Variants in CPEB4 observed in about 807,000 individuals in gnomAD.
CPEB4 encodes cytoplasmic polyadenylation element-binding protein 4.
A neutral mutation model predicts 72.5 loss-of-function variants in CPEB4; 12 were observed. That is an observed-to-expected ratio of 0.17 (90% CI 0.11 to 0.27). The LOEUF is 0.27. Ranked by LOEUF, CPEB4 falls within the 10% of genes least tolerant of loss-of-function variation. The pLI, the probability that CPEB4 is intolerant of heterozygous loss-of-function variation, is 1.00. For missense variants in CPEB4, 614 were observed against 908.5 expected (o/e 0.68, Z 4.17); for synonymous variants, 302 against 326.3 (o/e 0.93, Z 0.80).
intron 4 of CPEB4, among the ~76,000 whole-genome samples, chr5:173,943,627 T>C (rs1757922062): frequency 6.6e-6 from 1 of 152,210 alleles, no homozygotes; most frequent in Non-Finnish European, 1.5e-5. Context: ...TCTTGGCACC[T>C]ATATTTTGCC....
At position 173,944,452 on chromosome 5, in the gene CPEB4, G is replaced by A. The variant is rs1326343292; in HGVS notation, c.1283-515G>A. ...ATTATGCCACTGTACTCCAGCCTGG[G>A]TAAAAGAGCGAGACACTGTCTCAAA... On this transcript the variant is annotated intron_variant, in intron 4 of 9. Coordinates refer to ENST00000265085, the MANE Select transcript of CPEB4 (RefSeq NM_030627.4). 2.1e-5 allele frequency among the ~76,000 whole-genome samples: 3 copies of A among 145,162 alleles called. No individual in the cohort carries two copies. The East Asian group carries it at 6.0e-4, about 29-fold the overall frequency.
chr5:173,898,387 C>T (rs1756101439), intron 1 of CPEB4, among the ~76,000 whole-genome samples: 1 of 152,052 alleles, frequency 6.6e-6, no homozygotes, highest in Non-Finnish European at 1.5e-5. Context: ...TATTAGAAAA[C>T]TATCTCAGTT....
At position 173,932,510 on chromosome 5, in the gene CPEB4, A is replaced by G; in HGVS notation, c.1258+10A>G. 1 of 1,604,504 alleles carries G rather than the reference A, an allele frequency of 6.2e-7. No individual in the cohort carries two copies. The highest frequency in any genetic ancestry group is 8.5e-7 in the Non-Finnish European group (1 of 1,172,166). ...TCTCTGCTTATTAATGGTAAGTGAT[A>G]ATTGATTTACCCTAGTGAAGTGCAC... On this transcript the variant is annotated intron_variant, in intron 3 of 9. Coordinates refer to ENST00000265085, the MANE Select transcript of CPEB4 (RefSeq NM_030627.4).
chr5:173,929,708 A>C (rs1408007398), intron 2 of CPEB4, among the ~76,000 whole-genome samples: 1 of 152,114 alleles, frequency 6.6e-6, no homozygotes, highest in Non-Finnish European at 1.5e-5. Flanking sequence ...AAAAATTAAA[A>C]TAATAATAAT....
At chr5:173,923,171 T>C (rs1757130190) in intron 2 of CPEB4, among the ~76,000 whole-genome samples, 2 of 152,218 alleles carry the variant, frequency 1.3e-5, no homozygotes, top group African/African-American at 4.8e-5. Flanking sequence ...GAGTTAATGA[T>C]AGATAGGTCT....
At chr5:173,892,997 C>CTGTGTGTGTGTGTGTGTG (rs200506890) in intron 1 of CPEB4, 1 of 139,760 alleles carries the variant, frequency 7.2e-6, no homozygotes, top group Non-Finnish European at 1.5e-5. Flanking sequence ...ATTTGTAGCT[C>CTGTGTGTGTGTGTGTGTG]TGTGTGTGTG....
intron 3 of CPEB4, among the ~76,000 whole-genome samples, chr5:173,935,956 A>G (rs1302490283): frequency 6.6e-6 from 1 of 152,210 alleles, no homozygotes; most frequent in Admixed American, 6.5e-5. Context: ...CACTCATGTT[A>G]AAAGGCAGTG....
chr5:173,914,720 C>T (rs1430494359), intron 2 of CPEB4, among the ~76,000 whole-genome samples: 2 of 152,156 alleles, frequency 1.3e-5, no homozygotes, highest in Non-Finnish European at 2.9e-5. Flanking sequence ...CGGGCCACTG[C>T]ACTCCAGCCT....
At chr5:173,934,153 C>T (rs762537865) in intron 3 of CPEB4, among the ~76,000 whole-genome samples, 1 of 152,042 alleles carries the variant, frequency 6.6e-6, no homozygotes, top group Non-Finnish European at 1.5e-5. Flanking sequence ...CCACTGTACT[C>T]CAGCCACAGT....
Position 173,898,162 on chromosome 5 carries a change from T to G in CPEB4, c.1125+7304T>G, listed in dbSNP as rs1581109087. Among the ~76,000 whole-genome samples the G allele has an allele frequency of 4.6e-5, 7 of 152,296 alleles. No individual in the cohort carries two copies. In the East Asian group the frequency reaches 1.3e-3, roughly 29 times the overall value. Reference sequence around the variant, plus strand: ...CCAAAACTAAGTTATAATTAGTTCCTCAGTATTATATATTTTAAATCTATA... The same window carrying G: ...CCAAAACTAAGTTATAATTAGTTCCGCAGTATTATATATTTTAAATCTATA... On this transcript the variant is annotated intron_variant, in intron 1 of 9. Transcript: ENST00000265085.
At chr5:173,905,019 A>AAT (rs1561608981) in intron 1 of CPEB4, among the ~76,000 whole-genome samples, 2,726 of 40,726 alleles carry the variant, frequency 0.067, 38 homozygotes, top group Non-Finnish European at 0.11. Context: ...ATAATAATAA[A>AAT]AAAATGTAAC....
intron 2 of CPEB4, among the ~76,000 whole-genome samples, chr5:173,913,202 T>C (rs1045116797): frequency 6.6e-6 from 1 of 151,204 alleles, no homozygotes; most frequent in African/African-American, 2.4e-5. Context: ...ATTATTCTTT[T>C]TTTTTTTTTT....
At chr5:173,919,648 T>C (rs359419) in intron 2 of CPEB4, among the ~76,000 whole-genome samples, 143,526 of 152,284 alleles carry the variant, frequency 0.94, 67,698 homozygotes, top group East Asian at 1. Flanking sequence ...TTCCTTGATC[T>C]TGTTATATAA....
At chr5:173,938,494 G>A (rs1757709999) in intron 3 of CPEB4, among the ~76,000 whole-genome samples, 1 of 151,602 alleles carries the variant, frequency 6.6e-6, no homozygotes, top group Non-Finnish European at 1.5e-5. Flanking sequence ...CCAAAGTGCT[G>A]GGGTTATAGG....
chr5:173,950,122 A>G lies in CPEB4; in HGVS notation c.1665+44A>G. Reference sequence around the variant, plus strand: ...AAAATAGCTTCTTGTTTTTGCCTCCATTCATCTGTTATATTTGAAAAACCC... The same window carrying G: ...AAAATAGCTTCTTGTTTTTGCCTCCGTTCATCTGTTATATTTGAAAAACCC... On this transcript the variant is annotated intron_variant, in intron 7 of 9. Coordinates refer to ENST00000265085, the MANE Select transcript of CPEB4 (RefSeq NM_030627.4). The surrounding 1 kb of genome is among the most constrained non-coding windows in gnomAD (Gnocchi z 5.0). 1 of 1,184,226 alleles carries G rather than the reference A, an allele frequency of 8.4e-7. No individual in the cohort carries two copies. Among genetic ancestry groups the G allele is most frequent in the Non-Finnish European group, 1.2e-6 (1 of 810,702 alleles). The allele number at this position is 1,184,226 out of a possible 1,614,324, so 73.4% of individuals were successfully genotyped here. A position where few individuals can be genotyped will look rare whatever the true frequency, so the allele number is the denominator to read the frequency against.
Position 173,961,425 on chromosome 5 carries a change from A to G in CPEB4, c.*5288A>G, listed in dbSNP as rs1047417190. 2 of 152,248 alleles carry G rather than the reference A, an allele frequency of 1.3e-5. No individual in the cohort carries two copies. The highest frequency in any genetic ancestry group is 4.8e-5 in the African/African-American group (2 of 41,468). 9.4% of individuals were successfully genotyped at this position (152,248 alleles called of 1,614,324 possible). A position where few individuals can be genotyped will look rare whatever the true frequency, so the allele number is the denominator to read the frequency against. On this transcript the variant is annotated 3_prime_UTR_variant, in exon 10 of 10. Transcript: ENST00000265085. ...CAATGATATGTGATATAACAACTCT[A>G]TCTTGAAATTACATAGGTGCATTGC...
Position 173,961,454 on chromosome 5 carries a change from G to A in CPEB4, c.*5317G>A, listed in dbSNP as rs1758548672. ...TGAAATTACATAGGTGCATTGCTTT[G>A]GGTGTTTTAAATCACAGAATGGTGT... On this transcript the variant is annotated 3_prime_UTR_variant, in exon 10 of 10. Coordinates refer to ENST00000265085, the MANE Select transcript of CPEB4 (RefSeq NM_030627.4). The A allele has an allele frequency of 6.6e-6, 1 of 152,166 alleles. No homozygotes were observed. Among genetic ancestry groups the A allele is most frequent in the Admixed American group, 6.5e-5 (1 of 15,270 alleles). 9.4% of individuals were successfully genotyped at this position (152,166 alleles called of 1,614,324 possible).
In CPEB4 at chr5:173,947,494, A is replaced by G. The variant is rs149554507; in HGVS notation, c.1457-2014A>G. The stretch of plus-strand genomic sequence containing the variant: ...AAGGCACAAAGGTAGAAGGTAGAGG[A>G]GGCTATAGGGGAAAGATTGGTTACA... On this transcript the variant is annotated intron_variant, in intron 5 of 9. Coordinates refer to ENST00000265085, the MANE Select transcript of CPEB4 (RefSeq NM_030627.4). 8.7e-4 allele frequency among the ~76,000 whole-genome samples: 133 copies of G among 152,246 alleles called. 3 individuals carry two copies. The East Asian group carries it at 0.024, about 27-fold the overall frequency.
Position 173,888,555 on chromosome 5 carries a change from C to G in CPEB4, c.-1179C>G. 1 of 403,164 alleles carries G rather than the reference C, an allele frequency of 2.5e-6. No homozygotes were observed. Among genetic ancestry groups the G allele is most frequent in the Non-Finnish European group, 4.4e-6 (1 of 229,242 alleles). 25.0% of individuals were successfully genotyped at this position (403,164 alleles called of 1,614,324 possible). A position where few individuals can be genotyped will look rare whatever the true frequency, so the allele number is the denominator to read the frequency against. ...GGTAAAGCGGCGACGGCGGCGACGG[C>G]CCAGCAACCGTGAGGAGAAACAAAA... On this transcript the variant is annotated 5_prime_UTR_variant, in exon 1 of 10. Transcript: ENST00000265085. This position sits in a 1 kb window ranked among gnomAD's most constrained non-coding sequence, Gnocchi z 4.3.
Sources: allele counts gnomAD v4.1 joint callset (sites outside exome capture counted in the v4.1 genomes callset), GRCh38; gene constraint gnomAD v4.1.1; non-coding constraint Gnocchi (gnomAD v3.1); transcripts MANE v1.5; gene names NCBI Gene and HGNC (gene_info 2026-07-23, HGNC 2026-07-21).